KHDRBS2: variants seen among roughly 807,000 people sequenced by gnomAD.
The protein encoded by KHDRBS2 is KH domain-containing, RNA-binding, signal transduction-associated protein 2.
Under a neutral mutation model 44.3 loss-of-function variants are expected in KHDRBS2, and 26 were observed. The ratio of observed to expected loss-of-function variants is 0.59; its 90% CI spans 0.43 to 0.81. The LOEUF is 0.81. Ranked by LOEUF, KHDRBS2 falls within the 40% of genes least tolerant of loss-of-function variation. The pLI is 0.00. For missense variants in KHDRBS2, 476 were observed against 433.1 expected (o/e 1.10, Z -0.88); for synonymous variants, 194 against 151.1 (o/e 1.28, Z -2.08).
intron 3 of KHDRBS2, among the ~76,000 whole-genome samples, chr6:62,008,753 A>T (rs1779745156): frequency 1.3e-5 from 2 of 152,296 alleles, no homozygotes; most frequent in East Asian, 3.9e-4. Context: ...TGGTGGTTTT[A>T]AAAAGAGAAG....
At chr6:62,128,555 T>C (rs571552021) in intron 2 of KHDRBS2, among the ~76,000 whole-genome samples, 49 of 152,144 alleles carry the variant, frequency 3.2e-4, no homozygotes, top group African/African-American at 8.7e-4. Flanking sequence ...TCTCTCTCTC[T>C]CTCTCTCTCT....
chr6:61,908,260 CAAAG>C (rs1805389858), intron 4 of KHDRBS2, among the ~76,000 whole-genome samples: 1 of 151,686 alleles, frequency 6.6e-6, no homozygotes, highest in Admixed American at 6.6e-5. Flanking sequence ...ACAAAAGAGA[CAAAG>C]GAAGGTAAAG....
intron 3 of KHDRBS2, among the ~76,000 whole-genome samples, chr6:61,997,737 A>G (rs1358513568): frequency 6.6e-6 from 1 of 152,144 alleles, no homozygotes; most frequent in Non-Finnish European, 1.5e-5. Flanking sequence ...ACTCTGGAGA[A>G]TGTTCTCTCA....
At chr6:61,755,794 T>G (rs1241872534) in intron 6 of KHDRBS2, among the ~76,000 whole-genome samples, 1 of 130,626 alleles carries the variant, frequency 7.7e-6, no homozygotes, top group Non-Finnish European at 1.7e-5. Context: ...GGCAAGACTC[T>G]GTCTCAAAAA....
chr6:62,180,941 A>G (rs1260904039), intron 1 of KHDRBS2, among the ~76,000 whole-genome samples: 1 of 151,798 alleles, frequency 6.6e-6, no homozygotes. Flanking sequence ...ACAAGGGAGA[A>G]AAAAAGTCTC....
intron 1 of KHDRBS2, among the ~76,000 whole-genome samples, chr6:62,244,628 A>T (rs1266268530): frequency 1.3e-5 from 2 of 152,104 alleles, no homozygotes; most frequent in Non-Finnish European, 2.9e-5. Flanking sequence ...TCTTCTTTTT[A>T]GGCAGGTGAA....
At chr6:61,771,246 A>C (rs1182203791) in intron 6 of KHDRBS2, among the ~76,000 whole-genome samples, 1 of 152,218 alleles carries the variant, frequency 6.6e-6, no homozygotes, top group Non-Finnish European at 1.5e-5. Flanking sequence ...CAAATCGTAA[A>C]GACCATCAAG....
intron 2 of KHDRBS2, among the ~76,000 whole-genome samples, chr6:62,057,746 G>T (rs1324234569): frequency 1.3e-5 from 2 of 151,838 alleles, no homozygotes; most frequent in Non-Finnish European, 2.9e-5. Context: ...TAATTTCAAG[G>T]TATTTTATTC....
In KHDRBS2 at chr6:62,177,417, CAAAT is replaced by C; in HGVS notation, c.92-109_92-106del. On this transcript the variant is annotated intron_variant, in intron 1 of 8. Coordinates refer to ENST00000281156, the MANE Select transcript of KHDRBS2 (RefSeq NM_152688.4). ...ATAATATTCATATTACTCCTCTTCT[CAAAT>C]AAGATTTTGATGAATATTGATAAAA... 4.6e-6 allele frequency: 4 copies of C among 871,436 alleles called. No individual in the cohort carries two copies. The South Asian group carries it at 7.9e-5, about 17-fold the overall frequency. 54.0% of individuals were successfully genotyped at this position (871,436 alleles called of 1,614,324 possible).
At chr6:61,736,718 A>G (rs1775418023) in intron 6 of KHDRBS2, among the ~76,000 whole-genome samples, 1 of 151,888 alleles carries the variant, frequency 6.6e-6, no homozygotes, top group African/African-American at 2.4e-5. Flanking sequence ...TGTTTCCCCC[A>G]TTTCCATCTG....
chr6:61,796,632 G>T (rs961569458), intron 6 of KHDRBS2, among the ~76,000 whole-genome samples: 3 of 151,376 alleles, frequency 2.0e-5, no homozygotes, highest in Admixed American at 1.3e-4. Flanking sequence ...AATGACAAAA[G>T]AATCTACACA....
At chr6:61,844,524 C>T (rs1243687654) in intron 6 of KHDRBS2, among the ~76,000 whole-genome samples, 2 of 152,120 alleles carry the variant, frequency 1.3e-5, no homozygotes, top group Admixed American at 6.6e-5. Flanking sequence ...GGAATGACCT[C>T]ACTTCTAGTA....
chr6:62,060,743 G>A (rs185764281), intron 2 of KHDRBS2, among the ~76,000 whole-genome samples: 1 of 151,480 alleles, frequency 6.6e-6, no homozygotes, highest in East Asian at 2.0e-4. Context: ...ACTTGGCATT[G>A]CTCTATTGAA....
rs189649868 is a variant in KHDRBS2 at position 61,786,384 on chromosome 6, T to G, written c.811-53620A>C. ...TATTTAATCACTGAATATAACATTT[T>G]ATTTGCTTAATAAGCAATTTGAATG... On this transcript the variant is annotated intron_variant, in intron 6 of 8. Transcript: ENST00000281156. Among the ~76,000 whole-genome samples, 9 of 152,178 alleles carry G rather than the reference T, an allele frequency of 5.9e-5. No homozygotes were observed. In the East Asian group the frequency reaches 1.7e-3, roughly 29 times the overall value.
intron 2 of KHDRBS2, among the ~76,000 whole-genome samples, chr6:62,084,389 A>G (rs982292652): frequency 6.6e-6 from 1 of 152,226 alleles, no homozygotes; most frequent in African/African-American, 2.4e-5. Context: ...CAAAGTTGAT[A>G]ACAGATATTT....
intron 4 of KHDRBS2, among the ~76,000 whole-genome samples, chr6:61,913,087 C>T (rs1437112354): frequency 2.6e-5 from 4 of 152,062 alleles, no homozygotes; most frequent in Non-Finnish European, 5.9e-5. Context: ...TTTTCCCCAA[C>T]CCCTTTCCTT....
intron 6 of KHDRBS2, among the ~76,000 whole-genome samples, chr6:61,854,352 A>T (rs1267857903): frequency 1.3e-5 from 2 of 152,034 alleles, no homozygotes; most frequent in East Asian, 3.9e-4. Context: ...ATAGAGCAAA[A>T]TTTTTATATA....
At chr6:62,104,324 G>T (rs1039953125) in intron 2 of KHDRBS2, among the ~76,000 whole-genome samples, 44 of 151,538 alleles carry the variant, frequency 2.9e-4, no homozygotes, top group Non-Finnish European at 5.7e-4. Flanking sequence ...TAAGTTTTAG[G>T]GTACATGTGC....
chr6:61,752,671 C>CAAAAAAAAAAA (rs56410130), intron 6 of KHDRBS2, among the ~76,000 whole-genome samples: 8 of 111,324 alleles, frequency 7.2e-5, no homozygotes, highest in Admixed American at 1.0e-4. Context: ...TTGTGGTATA[C>CAAAAAAAAAAA]AAAAAAAAAA....
Sources: gnomAD v4.1 joint callset for allele counts (sites outside exome capture counted in the v4.1 genomes callset) on GRCh38, gnomAD v4.1.1 for gene constraint, MANE v1.5 for transcripts, NCBI Gene and HGNC (gene_info 2026-07-23, HGNC 2026-07-21) for gene names.